NEK10: variants seen among roughly 807,000 people sequenced by gnomAD.
The protein encoded by NEK10 is NIMA related kinase 10, also known as serine/threonine-protein kinase Nek10.
NEK10 carries 122 observed loss-of-function variants against 159.8 expected under a neutral mutation model. The ratio of observed to expected loss-of-function variants is 0.76; its 90% CI spans 0.66 to 0.89. The LOEUF is 0.89. Among genes scored for constraint, NEK10 ranks in the 40% least tolerant of loss-of-function variants. The pLI, the probability that NEK10 is intolerant of heterozygous loss-of-function variation, is 0.00. For synonymous variants in NEK10, 466 were observed against 457.1 expected (o/e 1.02, Z -0.25); for missense variants, 1,342 against 1,323.1 (o/e 1.01, Z -0.22).
At chr3:27,168,135 G>T (rs1946642148) in intron 29 of NEK10, among the ~76,000 whole-genome samples, 1 of 152,072 alleles carries the variant, frequency 6.6e-6, no homozygotes, top group Non-Finnish European at 1.5e-5. Context: ...GAACAGGTAT[G>T]TACTTCCCTG....
In NEK10 at chr3:27,110,279, T is replaced by TC. The variant is rs1939384579; in HGVS notation, c.*992dup. On this transcript the variant is annotated 3_prime_UTR_variant, in exon 36 of 36. Transcript: ENST00000691995. ...ATCTAGCAGATTTTCATCATAATTC[T>TC]CCCGGCATAAAGGATGATACACAGT... 1 of 152,100 alleles carries TC rather than the reference T, an allele frequency of 6.6e-6. No individual in the cohort carries two copies. Among genetic ancestry groups the TC allele is most frequent in the African/African-American group, 2.4e-5 (1 of 41,424 alleles). The allele number at this position is 152,100 out of a possible 1,614,324, so 9.4% of individuals were successfully genotyped here.
intron 23 of NEK10, among the ~76,000 whole-genome samples, chr3:27,246,570 A>T (rs946102549): frequency 1.3e-5 from 2 of 152,114 alleles, no homozygotes. Flanking sequence ...ATACTCTTTC[A>T]GTTATTGTAA....
At chr3:27,298,449 C>T (rs888788709) in intron 13 of NEK10, among the ~76,000 whole-genome samples, 6 of 152,172 alleles carry the variant, frequency 3.9e-5, no homozygotes, top group African/African-American at 1.4e-4. Flanking sequence ...CCATTAAACC[C>T]CTTTCTTTTG....
chr3:27,361,284 C>T (rs898821331), intron 1 of NEK10, among the ~76,000 whole-genome samples: 4 of 152,196 alleles, frequency 2.6e-5, no homozygotes, highest in Non-Finnish European at 5.9e-5. Context: ...CTGTGCCTTG[C>T]GTAGCTGCTA....
At chr3:27,212,380 T>C (rs1951083854) in intron 23 of NEK10, among the ~76,000 whole-genome samples, 1 of 152,232 alleles carries the variant, frequency 6.6e-6, no homozygotes, top group African/African-American at 2.4e-5. Context: ...CCTAAATCTG[T>C]AATCTTATGT....
chr3:27,329,836 G>A (rs1313374844), intron 5 of NEK10, among the ~76,000 whole-genome samples: 1 of 151,140 alleles, frequency 6.6e-6, no homozygotes, highest in African/African-American at 2.4e-5. Context: ...TCTATCAAAT[G>A]AGGCTTAAGA....
chr3:27,243,103 C>T lies in NEK10; in HGVS notation c.2090+13193G>A, dbSNP rs117813156. On this transcript the variant is annotated intron_variant, in intron 23 of 35. Transcript: ENST00000691995. ...GCTTGAATTTCAAAATATTGGCCTT[C>T]TAACTAATATTCTACTATTTTAGAG... Among the ~76,000 whole-genome samples the T allele has an allele frequency of 2.7e-4, 41 of 152,248 alleles. No individual in the cohort carries two copies. In the East Asian group the frequency reaches 7.7e-3, roughly 29 times the overall value.
intron 11 of NEK10, 58 bp from the exon 12 acceptor site, chr3:27,305,029 CA>C (rs2044128385): frequency 9.9e-7 from 1 of 1,012,934 alleles, no homozygotes; most frequent in Non-Finnish European, 1.5e-6. Flanking sequence ...GATTACTTTA[CA>C]TTAAGACTAA....
At chr3:27,286,678 C>A (rs539837646) in intron 20 of NEK10, among the ~76,000 whole-genome samples, 1 of 151,592 alleles carries the variant, frequency 6.6e-6, no homozygotes, top group Admixed American at 6.6e-5. Flanking sequence ...GCGTGAGCCA[C>A]CGTGCCCGGC....
At chr3:27,270,177 T>C (rs999346817) in intron 22 of NEK10, among the ~76,000 whole-genome samples, 1 of 152,194 alleles carries the variant, frequency 6.6e-6, no homozygotes, top group Non-Finnish European at 1.5e-5. Flanking sequence ...TGTTGTGCTC[T>C]CTCTTGCTCA....
Position 27,174,461 on chromosome 3 carries a change from G to A in NEK10, c.2754C>T (p.Ser918=), listed in dbSNP as rs770055117. 159 of 1,612,104 alleles carry A rather than the reference G, an allele frequency of 9.9e-5. No individual in the cohort carries two copies. Among genetic ancestry groups the A allele is most frequent in the Non-Finnish European group, 1.3e-4 (152 of 1,179,666 alleles). ...TACTGAATGTAGATTCTTTCAGAGG[G>A]CTTGAACTGGAGCTGCTGGAGTTAT... ...ISDNSSSSSS[S]PLKESTFNIL... The change falls in exon 28 of 36, where the codon AGC becomes AGT. Residue 918 remains serine (S), a synonymous_variant. Transcript: ENST00000691995.
intron 23 of NEK10, among the ~76,000 whole-genome samples, chr3:27,203,074 T>G (rs11712907): frequency 6.6e-6 from 1 of 151,914 alleles, no homozygotes; most frequent in Admixed American, 6.6e-5. Flanking sequence ...TTCGGTCCAC[T>G]ACCAGAGGAA....
In NEK10 at chr3:27,346,045, G is replaced by C. The variant is rs373941562; in HGVS notation, c.263+41C>G. On this transcript the variant is annotated intron_variant, in intron 4 of 35. Coordinates refer to ENST00000691995, the MANE Select transcript of NEK10 (RefSeq NM_001394966.1). Reference sequence around the variant, plus strand: ...CTTAAATAAAACTGTGAGCTAAGCAGAATAAGTTGCTGAAGACGAAGGAGA... The same window carrying C: ...CTTAAATAAAACTGTGAGCTAAGCACAATAAGTTGCTGAAGACGAAGGAGA... The C allele has an allele frequency of 7.6e-4, 1,215 of 1,603,444 alleles. 3 individuals carry two copies. Among genetic ancestry groups the C allele is most frequent in the Non-Finnish European group, 9.7e-4 (1,141 of 1,170,982 alleles).
intron 26 of NEK10, among the ~76,000 whole-genome samples, chr3:27,184,102 T>A (rs1948389313): frequency 6.6e-6 from 1 of 152,182 alleles, no homozygotes; most frequent in South Asian, 2.1e-4. Flanking sequence ...GAGAAAAAAG[T>A]TATAAACATT....
intron 5 of NEK10, among the ~76,000 whole-genome samples, chr3:27,336,701 G>A (rs975402596): frequency 2.0e-5 from 3 of 152,080 alleles, no homozygotes; most frequent in Non-Finnish European, 4.4e-5. Context: ...GCATGCAAAA[G>A]TAAATAAATG....
chr3:27,170,624 C>A (rs890227182), intron 29 of NEK10, among the ~76,000 whole-genome samples: 1 of 151,960 alleles, frequency 6.6e-6, no homozygotes, highest in Non-Finnish European at 1.5e-5. Context: ...CTCAGCTACT[C>A]GGGAGGCGGA....
intron 35 of NEK10, among the ~76,000 whole-genome samples, chr3:27,113,435 CAAAAAAAAAAA>C (rs3034425): frequency 1.2e-5 from 1 of 81,512 alleles, no homozygotes. Context: ...GATTCCATCT[CAAAAAAAAAAA>C]AAAAAAAAAA....
At chr3:27,173,822 T>C (rs184605827) in intron 28 of NEK10, among the ~76,000 whole-genome samples, 1 of 152,270 alleles carries the variant, frequency 6.6e-6, no homozygotes, top group East Asian at 1.9e-4. Context: ...GTTTGTTCCA[T>C]GTATTTTATT....
intron 22 of NEK10, among the ~76,000 whole-genome samples, chr3:27,259,783 G>T (rs1425011504): frequency 2.6e-5 from 4 of 152,074 alleles, no homozygotes; most frequent in African/African-American, 9.7e-5. Context: ...GATGGGGATG[G>T]CATTGAACCT....
Sources: allele counts gnomAD v4.1 joint callset (sites outside exome capture counted in the v4.1 genomes callset), GRCh38; gene constraint gnomAD v4.1.1; transcripts MANE v1.5; gene names NCBI Gene and HGNC (gene_info 2026-07-23, HGNC 2026-07-21).